ABCG8: variants seen among roughly 807,000 people sequenced by gnomAD.
The protein encoded by ABCG8 is ATP binding cassette subfamily G member 8, also known as ATP-binding cassette sub-family G member 8.
Under a neutral mutation model 71.3 loss-of-function variants are expected in ABCG8, and 81 were observed. The observed-to-expected ratio is 1.14, with a 90% confidence interval of 0.95 to 1.37. ABCG8 has a LOEUF of 1.37. Among genes scored for constraint, ABCG8 ranks in the 40% most tolerant of loss-of-function variants. The pLI, the probability that ABCG8 is intolerant of heterozygous loss-of-function variation, is 0.00. For missense variants in ABCG8, 1,119 were observed against 866.2 expected (o/e 1.29, Z -3.66); for synonymous variants, 451 against 354.7 (o/e 1.27, Z -3.05).
chr2:43,876,553 G>C (rs1446107710), intron 11 of ABCG8, among the ~76,000 whole-genome samples: 1 of 151,564 alleles, frequency 6.6e-6, no homozygotes, highest in Non-Finnish European at 1.5e-5. Context: ...CAAGAATATA[G>C]GGAGACCATG....
intron 1 of ABCG8, among the ~76,000 whole-genome samples, chr2:43,841,679 T>C (rs576961858): frequency 6.6e-6 from 1 of 152,214 alleles, no homozygotes; most frequent in Admixed American, 6.5e-5. Flanking sequence ...GGGTGAGCCT[T>C]GGAACAAGCA....
chr2:43,852,522 C>T, intron 5 of ABCG8, 36 bp downstream of exon 5: 1 of 1,613,864 alleles, frequency 6.2e-7, no homozygotes, highest in Non-Finnish European at 8.5e-7. Context: ...GCAGAGGGAC[C>T]TGTGCGGTCC....
rs537784677 is a variant in ABCG8 at position 43,839,403 on chromosome 2, C to CTTTTTTTTTTTTTTTTTTTTTTTTTTTT, written c.63+301_63+328dup. Among the ~76,000 whole-genome samples the CTTTTTTTTTTTTTTTTTTTTTTTTTTTT allele has an allele frequency of 1.3e-4, 8 of 59,296 alleles. 3 individuals carry two copies. Among genetic ancestry groups the CTTTTTTTTTTTTTTTTTTTTTTTTTTTT allele is most frequent in the Non-Finnish European group, 2.6e-4 (8 of 31,222 alleles). The allele number at this position is 59,296 out of a possible 152,430, so 38.9% of individuals were successfully genotyped here. ...CACTTTTTCTTTTTTCTTTTCTTCTCTTTTTTTTTTTTTTTTTTTTTTTTT... is the reference window on the plus strand; with the variant it reads ...CACTTTTTCTTTTTTCTTTTCTTCTCTTTTTTTTTTTTTTTTTTTTTTTTTTTTTTTTTTTTTTTTTTTTTTTTTTTTT... On this transcript the variant is annotated intron_variant, in intron 1 of 12. Coordinates refer to ENST00000272286, the MANE Select transcript of ABCG8 (RefSeq NM_022437.3).
chr2:43,871,513 T>C (rs1162501356), intron 6 of ABCG8, among the ~76,000 whole-genome samples: 2 of 152,254 alleles, frequency 1.3e-5, no homozygotes, highest in Admixed American at 1.3e-4. Flanking sequence ...GCTCACTATC[T>C]GGGAGCCTAA....
At chr2:43,853,547 A>G (rs1005152414) in intron 6 of ABCG8, among the ~76,000 whole-genome samples, 3 of 152,156 alleles carry the variant, frequency 2.0e-5, no homozygotes, top group Admixed American at 6.5e-5. Context: ...GGCTTATGCT[A>G]TAGGTCGCCT....
At position 43,878,693 on chromosome 2, in the gene ABCG8, C is replaced by T. The variant is rs190335010; in HGVS notation, c.*780C>T. On this transcript the variant is annotated 3_prime_UTR_variant, in exon 13 of 13. Coordinates refer to ENST00000272286, the MANE Select transcript of ABCG8 (RefSeq NM_022437.3). ...TAAGCCTTAGGAGTTTAGGAAGGCT[C>T]CAGAAGACAAATGGGGTCTGTAGAG... The T allele has an allele frequency of 6.5e-6, 1 of 153,188 alleles. No homozygotes were observed. Among genetic ancestry groups the T allele is most frequent in the African/African-American group, 2.4e-5 (1 of 41,572 alleles). 9.5% of individuals were successfully genotyped at this position (153,188 alleles called of 1,614,324 possible).
At chr2:43,845,485 T>C (rs2104911735) in intron 2 of ABCG8, among the ~76,000 whole-genome samples, 1 of 152,376 alleles carries the variant, frequency 6.6e-6, no homozygotes, top group Non-Finnish European at 1.5e-5. Flanking sequence ...AGGTGATGGA[T>C]GTTAAGTGAT....
intron 6 of ABCG8, among the ~76,000 whole-genome samples, chr2:43,870,682 T>C (rs1333924533): frequency 6.6e-6 from 1 of 151,956 alleles, no homozygotes; most frequent in Non-Finnish European, 1.5e-5. Context: ...ACTATATGGG[T>C]AGAATTCTGA....
At chr2:43,876,111 G>A (rs1434998554) in intron 11 of ABCG8, among the ~76,000 whole-genome samples, 1 of 152,090 alleles carries the variant, frequency 6.6e-6, no homozygotes, top group African/African-American at 2.4e-5. Context: ...CTCTGGTGTG[G>A]GGCCGCTGAG....
chr2:43,867,582 G>A lies in ABCG8; in HGVS notation c.965-4394G>A, dbSNP rs114319330. On this transcript the variant is annotated intron_variant, in intron 6 of 12. Coordinates refer to ENST00000272286, the MANE Select transcript of ABCG8 (RefSeq NM_022437.3). ...GTCCAGATAGAATTCTCACCATCTG[G>A]ATAGAGCTCTCACTGTCTGGATAGA... is the stretch of plus-strand genomic sequence containing the variant. Among the ~76,000 whole-genome samples the A allele has an allele frequency of 2.1e-3, 318 of 152,086 alleles. 2 individuals are homozygous for A. The highest frequency in any genetic ancestry group is 7.2e-3 in the African/African-American group (298 of 41,494).
intron 6 of ABCG8, among the ~76,000 whole-genome samples, chr2:43,870,165 A>AATTCTCACCCTCTGGATAGT (rs2104942787): frequency 6.6e-6 from 1 of 152,176 alleles, no homozygotes; most frequent in Non-Finnish European, 1.5e-5. Flanking sequence ...GTCTCGATAG[A>AATTCTCACCCTCTGGATAGT]ATTCTCACCC....
At chr2:43,850,514 A>G (rs1668879854) in intron 3 of ABCG8, among the ~76,000 whole-genome samples, 1 of 152,198 alleles carries the variant, frequency 6.6e-6, no homozygotes, top group Non-Finnish European at 1.5e-5. Flanking sequence ...TAGGTAAACT[A>G]GTGTCACGGG....
intron 6 of ABCG8, among the ~76,000 whole-genome samples, chr2:43,861,970 C>T (rs1473785423): frequency 6.6e-6 from 1 of 151,004 alleles, no homozygotes; most frequent in African/African-American, 2.4e-5. Context: ...CTGGATAGAA[C>T]TAGCACTATG....
In ABCG8 at chr2:43,846,165, C is replaced by A. The variant is rs749036339; in HGVS notation, c.176C>A (p.Ala59Asp). The change falls in exon 3 of 13, where the codon GCC (alanine) becomes GAC (aspartate). Residue 59 changes from alanine (A) to aspartate (D), a missense_variant. Transcript: ENST00000272286. ...VRDLNYQVDL[A>D]SQVPWFEQLA... is the part of the protein sequence containing the mutation. ...GATATCTCCCCACAGGTGGACCTGG[C>A]CTCTCAGGTCCCTTGGTTTGAGCAG... 15 of 1,613,414 alleles carry A rather than the reference C, an allele frequency of 9.3e-6. No homozygotes were observed. The Middle Eastern group carries it at 9.2e-4, about 99-fold the overall frequency.
At chr2:43,870,905 A>G (rs1293532208) in intron 6 of ABCG8, among the ~76,000 whole-genome samples, 1 of 151,190 alleles carries the variant, frequency 6.6e-6, no homozygotes, top group Non-Finnish European at 1.5e-5. Flanking sequence ...TCTGGATAGA[A>G]CTCTAACTCT....
intron 6 of ABCG8, among the ~76,000 whole-genome samples, chr2:43,863,905 G>C (rs928228305): frequency 6.6e-6 from 1 of 151,158 alleles, no homozygotes; most frequent in African/African-American, 2.4e-5. Context: ...TGTCTAGGTA[G>C]AATTTTCACC....
chr2:43,877,752 C>T, intron 12 of ABCG8, 24 bp from the exon 13 acceptor site: 1 of 1,614,092 alleles, frequency 6.2e-7, no homozygotes, highest in Non-Finnish European at 8.5e-7. Context: ...TCCTCATGAG[C>T]CCACTGCATG....
intron 6 of ABCG8, among the ~76,000 whole-genome samples, chr2:43,868,925 A>C (rs1048344983): frequency 2.0e-5 from 3 of 152,022 alleles, no homozygotes; most frequent in African/African-American, 7.2e-5. Context: ...CACTCTGTGG[A>C]TAGAACTGTC....
At chr2:43,852,195 G>A (rs1668941417) in intron 4 of ABCG8, among the ~76,000 whole-genome samples, 159 bp from the exon 5 acceptor site, 1 of 152,232 alleles carries the variant, frequency 6.6e-6, no homozygotes, top group Non-Finnish European at 1.5e-5. Flanking sequence ...GAAAGAATCA[G>A]GGGAACCAAT....
Sources: allele counts gnomAD v4.1 joint callset (sites outside exome capture counted in the v4.1 genomes callset), GRCh38; gene constraint gnomAD v4.1.1; transcripts MANE v1.5; gene names NCBI Gene and HGNC (gene_info 2026-07-23, HGNC 2026-07-21).